The following CORO2A variants were observed in gnomAD, a reference collection of about 807,000 sequenced individuals.
CORO2A encodes coronin 2A, also known as coronin-2A.
CORO2A carries 47 observed loss-of-function variants against 62.4 expected under a neutral mutation model. The observed-to-expected ratio is 0.75, with a 90% CI of 0.60 to 0.96. The LOEUF is 0.96. Among genes scored for constraint, CORO2A ranks in the 40% least tolerant of loss-of-function variants. The probability of loss-of-function intolerance (pLI) is 0.00; values close to 1 mark genes in which losing one functional copy is unlikely to be tolerated. For missense variants in CORO2A, 610 were observed against 684.1 expected, an observed-to-expected ratio of 0.89 and a Z score of 1.21; for synonymous variants, 273 against 268.9, an observed-to-expected ratio of 1.02 and a Z score of -0.15.
chr9:98,130,172 C>T (rs1257332718), intron 7 of CORO2A, among the ~76,000 whole-genome samples: 3 of 152,120 alleles, frequency 2.0e-5, no homozygotes, highest in Non-Finnish European at 4.4e-5. Flanking sequence ...TTGCAACCTC[C>T]TGGTCTCAAG....
rs1339337279 is a variant in CORO2A at position 98,138,213 on chromosome 9, G to A, written c.202-525C>T. Among the ~76,000 whole-genome samples the A allele has an allele frequency of 2.0e-5, 3 of 152,010 alleles. No homozygotes were observed. The East Asian group carries it at 5.8e-4, about 29-fold the overall frequency. On this transcript the variant is annotated intron_variant, in intron 2 of 11. Coordinates refer to ENST00000375077, the MANE Select transcript of CORO2A (RefSeq NM_052820.4). ...GTGGATCACCTGAGGTCAGGAGTTC[G>A]AGACCAGCCTGGCCAACATGGTGAA...
intron 2 of CORO2A, among the ~76,000 whole-genome samples, chr9:98,141,846 T>C (rs896390660): frequency 2.0e-5 from 3 of 152,152 alleles, no homozygotes; most frequent in African/African-American, 4.8e-5. Flanking sequence ...ATACTATGCA[T>C]GAAGAGCCCA....
intron 2 of CORO2A, among the ~76,000 whole-genome samples, chr9:98,140,263 G>A (rs942279048): frequency 6.6e-6 from 1 of 152,166 alleles, no homozygotes; most frequent in African/African-American, 2.4e-5. Flanking sequence ...GTGCCCAGGG[G>A]ACAGGTGCTG....
intron 2 of CORO2A, among the ~76,000 whole-genome samples, chr9:98,141,230 A>G (rs1444529094): frequency 2.0e-5 from 3 of 152,000 alleles, no homozygotes. Flanking sequence ...CTACAGCAGG[A>G]CAGGGGAGAG....
chr9:98,157,664 C>T lies in CORO2A; in HGVS notation c.1-4G>A, dbSNP rs763176546. ...GGTACTGGGGGTGCCATGACATCTGCAGGAGACAAATGGGACAAAGGGTAT... is the reference window on the plus strand; with the variant it reads ...GGTACTGGGGGTGCCATGACATCTGTAGGAGACAAATGGGACAAAGGGTAT... On this transcript the variant is annotated splice_region_variant and splice_polypyrimidine_tract_variant and intron_variant, in intron 1 of 11. Transcript: ENST00000375077. The T allele has an allele frequency of 1.2e-6, 2 of 1,610,840 alleles. No homozygotes were observed. Among genetic ancestry groups the T allele is most frequent in the East Asian group, 2.2e-5 (1 of 44,860 alleles).
intron 2 of CORO2A, among the ~76,000 whole-genome samples, chr9:98,139,884 C>T (rs1827542668): frequency 1.3e-5 from 2 of 152,182 alleles, no homozygotes; most frequent in Non-Finnish European, 1.5e-5. Flanking sequence ...TTCCCCTTTC[C>T]TAATGAGAAT....
chr9:98,180,096 G>A (rs931556372), intron 1 of CORO2A, among the ~76,000 whole-genome samples: 1 of 152,088 alleles, frequency 6.6e-6, no homozygotes, highest in African/African-American at 2.4e-5. Flanking sequence ...TCTAAACAAC[G>A]TCAGTGCGTC....
chr9:98,124,626 T>G lies in CORO2A; in HGVS notation c.*148A>C. 1.3e-6 allele frequency: 1 copy of G among 791,768 alleles called. No individual in the cohort carries two copies. The highest frequency in any genetic ancestry group is 1.8e-6 in the Non-Finnish European group (1 of 552,828). The allele number at this position is 791,768 out of a possible 1,614,324, so 49.0% of individuals were successfully genotyped here. A position where few individuals can be genotyped will look rare whatever the true frequency, so the allele number is the denominator to read the frequency against. On this transcript the variant is annotated 3_prime_UTR_variant, in exon 12 of 12. Transcript: ENST00000375077. ...ACAGAAAAACGGCACCATGTCCCAC[T>G]GGAATCTCTTTCAGCGATGGAGAGT... is the stretch of plus-strand genomic sequence containing the variant.
chr9:98,176,907 G>A (rs777865427), intron 1 of CORO2A, among the ~76,000 whole-genome samples: 11 of 152,164 alleles, frequency 7.2e-5, no homozygotes, highest in Non-Finnish European at 1.6e-4. Context: ...AAAAGAGTAC[G>A]CTAAAACACA....
At chr9:98,184,581 T>A (rs1190664163) in intron 1 of CORO2A, among the ~76,000 whole-genome samples, 2 of 152,106 alleles carry the variant, frequency 1.3e-5, no homozygotes, top group East Asian at 3.9e-4. Flanking sequence ...CCGTCCTCTA[T>A]CCCTATCCCT....
intron 1 of CORO2A, among the ~76,000 whole-genome samples, chr9:98,171,380 G>A (rs1828032139): frequency 6.6e-6 from 1 of 152,194 alleles, no homozygotes; most frequent in Non-Finnish European, 1.5e-5. Context: ...TCAGGGACCT[G>A]GGGCCCAGAG....
chr9:98,128,622 C>G lies in CORO2A; in HGVS notation c.1065G>C (p.Met355Ile). The G allele has an allele frequency of 6.2e-6, 10 of 1,614,206 alleles. No homozygotes were observed. The highest frequency in any genetic ancestry group is 7.6e-6 in the Non-Finnish European group (9 of 1,180,026). ...CTGCCCTTACCCGCCGGGGCACAATCATGGAGATGGGCTCGATGAGGCTTT... is the reference window on the plus strand; with the variant it reads ...CTGCCCTTACCCGCCGGGGCACAATGATGGAGATGGGCTCGATGAGGCTTT... ...TTKSLIEPISMIVPRRSESYQ... is the reference protein window; with the variant it reads ...TTKSLIEPISIIVPRRSESYQ... Residue 355 changes from methionine (M) to isoleucine (I), a missense_variant, in exon 9 of 12, where the codon ATG (methionine) becomes ATC (isoleucine). Physicochemically the swap from Met to Ile is conservative, Grantham distance 10 (BLOSUM62 1). Coordinates refer to ENST00000375077, the MANE Select transcript of CORO2A (RefSeq NM_052820.4).
At position 98,126,722 on chromosome 9, in the gene CORO2A, G is replaced by T. The variant is rs3174288; in HGVS notation, c.1273C>A (p.Arg425=). 26 of 1,614,064 alleles carry T rather than the reference G, an allele frequency of 1.6e-5. No homozygotes were observed. The South Asian group carries it at 2.6e-4, about 16-fold the overall frequency. Residue 425 remains arginine (R), a synonymous_variant, in exon 11 of 12, where the codon CGG becomes AGG. Coordinates refer to ENST00000375077, the MANE Select transcript of CORO2A (RefSeq NM_052820.4). ...AGCTTTTCTGTCTGATTCAAGAGCC[G>T]GGGTGAGGCTGGGGCCATGGAATTG... is the stretch of plus-strand genomic sequence containing the variant. ...IFNSMAPASP[R]LLNQTEKLAA...
chr9:98,160,613 G>GT (rs1371478037), intron 1 of CORO2A, among the ~76,000 whole-genome samples: 2 of 152,248 alleles, frequency 1.3e-5, no homozygotes, highest in Non-Finnish European at 2.9e-5. Flanking sequence ...CTTGGTGGCA[G>GT]TGGAGGAGCC....
intron 11 of CORO2A, 88 bp from the exon 12 acceptor site, chr9:98,124,993 G>A: frequency 6.8e-7 from 1 of 1,469,774 alleles, no homozygotes; most frequent in Non-Finnish European, 9.2e-7. Flanking sequence ...GACTCAGAAA[G>A]GTGGAGGCGG....
chr9:98,142,291 G>C (rs560075890), intron 2 of CORO2A, among the ~76,000 whole-genome samples: 1 of 152,336 alleles, frequency 6.6e-6, no homozygotes, highest in African/African-American at 2.4e-5. Context: ...GACTTGCCCA[G>C]GGTCACTGCA....
At chr9:98,186,119 T>C (rs1828236225) in intron 1 of CORO2A, among the ~76,000 whole-genome samples, 1 of 152,238 alleles carries the variant, frequency 6.6e-6, no homozygotes, top group African/African-American at 2.4e-5. Context: ...TAGAAGCAGC[T>C]GTCATATCAA....
intron 2 of CORO2A, among the ~76,000 whole-genome samples, chr9:98,143,749 T>TG (rs1564205338): frequency 6.6e-6 from 1 of 152,152 alleles, no homozygotes; most frequent in Non-Finnish European, 1.5e-5. Context: ...ATATACTCAC[T>TG]GGGCAGGGGA....
At chr9:98,131,806 C>T in intron 6 of CORO2A, among the ~76,000 whole-genome samples, 1 of 152,164 alleles carries the variant, frequency 6.6e-6, no homozygotes, top group East Asian at 1.9e-4. Flanking sequence ...CTGCTCCACC[C>T]TCAGCTGTCC....
Sources: gnomAD v4.1 joint callset for allele counts (sites outside exome capture counted in the v4.1 genomes callset) on GRCh38, gnomAD v4.1.1 for gene constraint, MANE v1.5 for transcripts, NCBI Gene and HGNC (gene_info 2026-07-23, HGNC 2026-07-21) for gene names.